DAB1: variants seen among roughly 807,000 people sequenced by gnomAD.
DAB1 encodes the protein disabled homolog 1.
A neutral mutation model predicts 64.6 loss-of-function variants in DAB1; 15 were observed. The ratio of observed to expected loss-of-function variants is 0.23; its 90% CI spans 0.16 to 0.36. DAB1 has a LOEUF of 0.36. Among genes scored for constraint, DAB1 ranks in the 10% least tolerant of loss-of-function variants. The probability of loss-of-function intolerance (pLI) is 1.00; values close to 1 mark genes in which losing one functional copy is unlikely to be tolerated. For synonymous variants in DAB1, 235 were observed against 251.9 expected, an observed-to-expected ratio of 0.93 and a Z score of 0.64; for missense variants, 596 against 706.7, an observed-to-expected ratio of 0.84 and a Z score of 1.78.
downstream of DAB1, among the ~76,000 whole-genome samples, chr1:57,823,812 C>A (rs1279104047): frequency 1.3e-5 from 2 of 152,136 alleles, no homozygotes; most frequent in African/African-American, 4.8e-5. Context: ...GAGACAGGGA[C>A]TGCTAAGCCC....
At chr1:57,603,934 C>T (rs1645604900) in intron 7 of DAB1, among the ~76,000 whole-genome samples, 3 of 152,230 alleles carry the variant, frequency 2.0e-5, no homozygotes, top group South Asian at 4.1e-4. Flanking sequence ...ACCGTTACCA[C>T]ACTTCTCATT....
chr1:57,304,035 T>A (rs1365195301), intron 1 of DAB1, among the ~76,000 whole-genome samples: 1 of 152,220 alleles, frequency 6.6e-6, no homozygotes, highest in Non-Finnish European at 1.5e-5. Context: ...CTGTTTGTAT[T>A]AGTCCATTCT....
chr1:57,895,247 T>G (rs1644375683), intron 5 of DAB1, among the ~76,000 whole-genome samples: 2 of 152,158 alleles, frequency 1.3e-5, no homozygotes, highest in Admixed American at 6.5e-5. Context: ...GTGATGCATA[T>G]TTACTAATTT....
At chr1:58,006,999 A>C (rs1465039965) in intron 5 of DAB1, among the ~76,000 whole-genome samples, 2 of 152,192 alleles carry the variant, frequency 1.3e-5, no homozygotes, top group Non-Finnish European at 2.9e-5. Context: ...CCAATAACTC[A>C]TTCTACATCT....
chr1:58,349,315 C>T (rs1416705427), intron 3 of DAB1, among the ~76,000 whole-genome samples: 1 of 152,172 alleles, frequency 6.6e-6, no homozygotes, highest in African/African-American at 2.4e-5. Flanking sequence ...GGATGCAAGT[C>T]ACTGAGCATG....
chr1:57,809,876 T>C (rs1651536112), intron 6 of DAB1, among the ~76,000 whole-genome samples: 1 of 152,132 alleles, frequency 6.6e-6, no homozygotes, highest in Admixed American at 6.5e-5. Flanking sequence ...CTCTCCTCCT[T>C]GAAAGATCTT....
At chr1:58,454,631 C>A (rs1268945741) in intron 3 of DAB1, among the ~76,000 whole-genome samples, 1 of 152,160 alleles carries the variant, frequency 6.6e-6, no homozygotes, top group Non-Finnish European at 1.5e-5. Context: ...TAAGTAGCAT[C>A]AGCCTCCTCC....
intron 1 of DAB1, chr1:57,880,139 A>T (rs1644121315): frequency 6.9e-6 from 1 of 145,820 alleles, no homozygotes; most frequent in South Asian, 2.3e-4. Flanking sequence ...AAACACAGAG[A>T]GGTATGCTCA....
chr1:57,789,718 G>A (rs1033738007), intron 6 of DAB1, among the ~76,000 whole-genome samples: 1 of 152,162 alleles, frequency 6.6e-6, no homozygotes, highest in African/African-American at 2.4e-5. Flanking sequence ...ATACATTTTG[G>A]TGGGACACAA....
rs866355898 is a variant in DAB1, at chr1:57,700,744, G to A, written n.552-51079C>T. 1.2e-3 allele frequency among the ~76,000 whole-genome samples: 188 copies of A among 152,174 alleles called. 1 individual carries two copies. The highest frequency in any genetic ancestry group is 3.9e-3 in the African/African-American group (163 of 41,524). ...TATTTATATCTTTCAATATGTTTGG[G>A]AAATTTTGTTTTTATTTCTTTGAAT... On this transcript the variant is annotated intron_variant and non_coding_transcript_variant, in intron 6 of 20. Transcript: ENST00000485760.
At chr1:58,534,159 G>T in intron 1 of DAB1, 1 of 870,106 alleles carries the variant, frequency 1.1e-6, no homozygotes, top group Non-Finnish European at 2.0e-6. Flanking sequence ...TTTACTTACT[G>T]GAAGCACGAA....
chr1:58,290,113 C>A (rs1004053370), intron 4 of DAB1, among the ~76,000 whole-genome samples: 3 of 152,188 alleles, frequency 2.0e-5, no homozygotes, highest in African/African-American at 7.2e-5. Flanking sequence ...AGGACCCCTT[C>A]TTTCAAAGAG....
At chr1:57,590,745 C>T (rs1645436336) in intron 7 of DAB1, among the ~76,000 whole-genome samples, 1 of 141,586 alleles carries the variant, frequency 7.1e-6, no homozygotes, top group South Asian at 2.2e-4. Flanking sequence ...AACACACACA[C>T]ACACACACAC....
chr1:57,614,037 G>A (rs1182281252), intron 7 of DAB1, among the ~76,000 whole-genome samples: 1 of 152,160 alleles, frequency 6.6e-6, no homozygotes, highest in African/African-American at 2.4e-5. Flanking sequence ...GACCTGGCAT[G>A]TTGCATAAAG....
intron 6 of DAB1, among the ~76,000 whole-genome samples, chr1:57,807,768 AC>A (rs975488114): frequency 6.6e-6 from 1 of 151,568 alleles, no homozygotes; most frequent in Non-Finnish European, 1.5e-5. Context: ...TTCCTCAAAC[AC>A]CCCTGAGACA....
chr1:57,563,493 T>C (rs1311188701), intron 7 of DAB1, among the ~76,000 whole-genome samples: 3 of 151,962 alleles, frequency 2.0e-5, no homozygotes, highest in Admixed American at 1.3e-4. Context: ...GGGTGAGGCA[T>C]TACCTCACCC....
chr1:57,036,347 C>CT (rs565243692), intron 9 of DAB1, among the ~76,000 whole-genome samples: 23 of 152,030 alleles, frequency 1.5e-4, no homozygotes, highest in South Asian at 6.2e-4. Flanking sequence ...CCATCCGTAT[C>CT]TTTTTTTTAC....
intron 3 of DAB1, among the ~76,000 whole-genome samples, chr1:58,462,097 C>G (rs1645248175): frequency 6.7e-6 from 1 of 149,186 alleles, no homozygotes; most frequent in African/African-American, 2.5e-5. Flanking sequence ...AGATCCACGT[C>G]GATCTGAGAA....
intron 5 of DAB1, among the ~76,000 whole-genome samples, chr1:57,939,867 G>A (rs1645078218): frequency 6.6e-6 from 1 of 152,162 alleles, no homozygotes; most frequent in Admixed American, 6.5e-5. Flanking sequence ...TCTTACCACT[G>A]CTCTGTCCCA....
Sources: allele counts gnomAD v4.1 joint callset (sites outside exome capture counted in the v4.1 genomes callset), GRCh38; gene constraint gnomAD v4.1.1; transcripts MANE v1.5; gene names NCBI Gene and HGNC (gene_info 2026-07-23, HGNC 2026-07-21).